Variants in SLC25A26 observed in about 807,000 individuals in gnomAD.
SLC25A26 encodes the protein mitochondrial S-adenosylmethionine carrier protein.
A neutral mutation model predicts 37.8 loss-of-function variants in SLC25A26; 36 were observed. That is an observed-to-expected ratio of 0.95 (90% CI 0.73 to 1.26). The LOEUF (loss-of-function observed/expected upper bound fraction) is 1.26. Ranked by LOEUF, SLC25A26 falls within the 50% of genes most tolerant of loss-of-function variation. The pLI, the probability that SLC25A26 is intolerant of heterozygous loss-of-function variation, is 0.00. For synonymous variants in SLC25A26, 129 were observed against 122.5 expected (o/e 1.05, Z -0.35); for missense variants, 390 against 331.1 (o/e 1.18, Z -1.38).
chr3:66,176,517 T>TA (rs911650693), intron 1 of SLC25A26, among the ~76,000 whole-genome samples: 3 of 152,084 alleles, frequency 2.0e-5, no homozygotes, highest in Non-Finnish European at 4.4e-5. Flanking sequence ...ATTGATTAAC[T>TA]AAAAAAAATC....
At chr3:66,236,968 C>A (rs1162371126) in intron 2 of SLC25A26, among the ~76,000 whole-genome samples, 3 of 152,158 alleles carry the variant, frequency 2.0e-5, no homozygotes, top group African/African-American at 7.2e-5. Flanking sequence ...CCCTAAGTAG[C>A]TGGGACTACA....
chr3:66,266,802 A>G (rs2073770669), intron 5 of SLC25A26, among the ~76,000 whole-genome samples: 2 of 152,054 alleles, frequency 1.3e-5, no homozygotes, highest in South Asian at 4.1e-4. Context: ...AGTAAGATGA[A>G]AGTGGGGAGC....
chr3:66,349,337 T>G (rs2076397697), intron 6 of SLC25A26, among the ~76,000 whole-genome samples: 1 of 152,282 alleles, frequency 6.6e-6, no homozygotes, highest in East Asian at 1.9e-4. Flanking sequence ...CCACCAAATT[T>G]CCATCAACCC....
chr3:66,268,441 T>C (rs2073838581), intron 5 of SLC25A26, among the ~76,000 whole-genome samples: 3 of 152,236 alleles, frequency 2.0e-5, no homozygotes, highest in Admixed American at 6.5e-5. Flanking sequence ...GATGTCATTG[T>C]AGTTCTAATT....
chr3:66,338,685 A>G (rs2076143793), intron 5 of SLC25A26, among the ~76,000 whole-genome samples: 1 of 151,986 alleles, frequency 6.6e-6, no homozygotes, highest in Non-Finnish European at 1.5e-5. Context: ...TGTATCATTA[A>G]GTACAGAGCT....
At chr3:66,276,414 T>TG (rs900897925) in intron 5 of SLC25A26, among the ~76,000 whole-genome samples, 1 of 152,100 alleles carries the variant, frequency 6.6e-6, no homozygotes, top group African/African-American at 2.4e-5. Context: ...AATAATGTGA[T>TG]GGGGGATCTA....
At chr3:66,345,657 A>G (rs1015246503) in intron 5 of SLC25A26, among the ~76,000 whole-genome samples, 17 of 150,544 alleles carry the variant, frequency 1.1e-4, no homozygotes, top group Non-Finnish European at 2.2e-4. Context: ...CCATTCCCCT[A>G]ACACTTCTCT....
At position 66,369,518 on chromosome 3, in the gene SLC25A26, A is replaced by G. The variant is rs1129179; in HGVS notation, c.609A>G (p.Ala203=). ...AAAVTTPLDV[A]KTRITLAKAG... Reference sequence around the variant, plus strand: ...CAGTCACCACCCCTCTAGACGTGGCAAAGACAAGAATTACGCTGGCAAAGG... The same window carrying G: ...CAGTCACCACCCCTCTAGACGTGGCGAAGACAAGAATTACGCTGGCAAAGG... Residue 203 remains alanine, a synonymous_variant, in exon 8 of 10, where the codon GCA becomes GCG. Coordinates refer to ENST00000354883, the MANE Select transcript of SLC25A26 (RefSeq NM_001379210.1). 277,138 of 1,597,846 alleles carry G rather than the reference A, an allele frequency of 0.17. 26,196 individuals are homozygous for G. The highest frequency in any genetic ancestry group is 0.19 in the Non-Finnish European group (228,163 of 1,170,404).
At chr3:66,233,564 A>G (rs1009441713) in intron 1 of SLC25A26, among the ~76,000 whole-genome samples, 2 of 152,242 alleles carry the variant, frequency 1.3e-5, no homozygotes, top group African/African-American at 4.8e-5. Context: ...ACTGGCTTAT[A>G]TATTTTTTAC....
intron 1 of SLC25A26, among the ~76,000 whole-genome samples, chr3:66,189,688 A>G (rs1480331265): frequency 6.6e-6 from 1 of 152,106 alleles, no homozygotes; most frequent in Non-Finnish European, 1.5e-5. Context: ...TTCAGACAGG[A>G]TCTTGCTCTG....
At chr3:66,272,405 C>T (rs1431409191) in intron 5 of SLC25A26, among the ~76,000 whole-genome samples, 4 of 151,990 alleles carry the variant, frequency 2.6e-5, no homozygotes, top group Admixed American at 6.6e-5. Flanking sequence ...AGTCTTTAAG[C>T]CTTTAGATAG....
intron 5 of SLC25A26, among the ~76,000 whole-genome samples, chr3:66,302,356 A>C (rs1228183648): frequency 6.6e-6 from 1 of 152,188 alleles, no homozygotes; most frequent in Admixed American, 6.5e-5. Context: ...CAATCTGGGT[A>C]TCTGGTCATA....
chr3:66,280,500 T>A (rs983638406), intron 5 of SLC25A26, among the ~76,000 whole-genome samples: 1 of 152,166 alleles, frequency 6.6e-6, no homozygotes, highest in Non-Finnish European at 1.5e-5. Context: ...TGACCTTTGG[T>A]GGTGTAACTT....
rs771964981 is a variant in SLC25A26, at chr3:66,182,721, G to A, written c.-353-38021G>A. 1.1e-3 allele frequency among the ~76,000 whole-genome samples: 158 copies of A among 142,242 alleles called. 4 individuals are homozygous for A. In the East Asian group the frequency reaches 0.012, roughly 11 times the overall value. The allele number at this position is 142,242 out of a possible 152,430, so 93.3% of individuals were successfully genotyped here. On this transcript the variant is annotated intron_variant, in intron 1 of 10. Transcript: ENST00000676754. ...CCTCAACCTGCAGTGGGCGGCGGGG[G>A]GGGGGGGTGGGGTATCAGTAGAAAA... is the stretch of plus-strand genomic sequence containing the variant.
intron 1 of SLC25A26, among the ~76,000 whole-genome samples, chr3:66,225,268 C>T (rs893832627): frequency 2.0e-5 from 3 of 152,236 alleles, no homozygotes; most frequent in African/African-American, 7.2e-5. Flanking sequence ...CGTACATCAT[C>T]TGAAATCTAG....
At chr3:66,301,304 C>T (rs2075069197) in intron 5 of SLC25A26, among the ~76,000 whole-genome samples, 1 of 152,156 alleles carries the variant, frequency 6.6e-6, no homozygotes, top group South Asian at 2.1e-4. Flanking sequence ...CAAGTTGTTA[C>T]AGATTTTTAT....
At chr3:66,309,113 C>G (rs1417792945) in intron 5 of SLC25A26, among the ~76,000 whole-genome samples, 1 of 152,098 alleles carries the variant, frequency 6.6e-6, no homozygotes, top group Non-Finnish European at 1.5e-5. Context: ...AGGAATGGTA[C>G]CTCTGGTAGA....
At chr3:66,307,314 T>TG (rs1303844895) in intron 5 of SLC25A26, among the ~76,000 whole-genome samples, 1 of 152,242 alleles carries the variant, frequency 6.6e-6, no homozygotes, top group Non-Finnish European at 1.5e-5. Context: ...TTTTGAGAAG[T>TG]GTCTGTTAAT....
rs1164755887 is a variant in SLC25A26 at position 66,378,800 on chromosome 3, C to G, written c.*993C>G. On this transcript the variant is annotated 3_prime_UTR_variant, in exon 10 of 10. Transcript: ENST00000354883. ...AAAGAAGGACCACCAACTATACTGA[C>G]ATTTATAAATGAACCTTTATTAAAG... 1 of 152,550 alleles carries G rather than the reference C, an allele frequency of 6.6e-6. No individual in the cohort carries two copies. The highest frequency in any genetic ancestry group is 1.9e-4 in the East Asian group (1 of 5,194). The allele number at this position is 152,550 out of a possible 1,614,324, so 9.4% of individuals were successfully genotyped here. A position where few individuals can be genotyped will look rare whatever the true frequency, so the allele number is the denominator to read the frequency against.
Sources: gnomAD v4.1 joint callset for allele counts (sites outside exome capture counted in the v4.1 genomes callset) on GRCh38, gnomAD v4.1.1 for gene constraint, MANE v1.5 for transcripts, NCBI Gene and HGNC (gene_info 2026-07-23, HGNC 2026-07-21) for gene names.